The following XPNPEP3 variants were observed in gnomAD, a reference collection of about 807,000 sequenced individuals.
The protein encoded by XPNPEP3 is X-prolyl aminopeptidase 3.
Under a neutral mutation model 60.0 loss-of-function variants are expected in XPNPEP3, and 41 were observed. The ratio of observed to expected loss-of-function variants is 0.68; its 90% confidence interval spans 0.53 to 0.89. The LOEUF is 0.89. XPNPEP3 is among the 40% of genes least tolerant of loss of function. The probability of loss-of-function intolerance (pLI) is 0.00; values close to 1 mark genes in which losing one functional copy is unlikely to be tolerated. For synonymous variants in XPNPEP3, 212 were observed against 223.2 expected, an observed-to-expected ratio of 0.95 and a Z score of 0.45; for missense variants, 598 against 638.9, an observed-to-expected ratio of 0.94 and a Z score of 0.69.
chr22:40,893,883 T>C (rs1247739149), intron 4 of XPNPEP3, among the ~76,000 whole-genome samples: 1 of 152,228 alleles, frequency 6.6e-6, no homozygotes, highest in Non-Finnish European at 1.5e-5. Flanking sequence ...CCCAAAGTTC[T>C]GGGATTACAG....
chr22:40,903,614 C>T (rs1040749362), intron 4 of XPNPEP3, among the ~76,000 whole-genome samples: 1 of 151,918 alleles, frequency 6.6e-6, no homozygotes, highest in East Asian at 1.9e-4. Context: ...CTCAGCCTCC[C>T]AAGTAGCTGG....
At chr22:40,902,289 C>T (rs1443868076) in intron 4 of XPNPEP3, among the ~76,000 whole-genome samples, 9 of 138,422 alleles carry the variant, frequency 6.5e-5, no homozygotes, top group Admixed American at 4.7e-4. Context: ...CTCGCTCTGT[C>T]GCCGAGGCTG....
intron 7 of XPNPEP3, among the ~76,000 whole-genome samples, chr22:40,920,301 C>T (rs1487404621): frequency 1.3e-5 from 2 of 151,926 alleles, no homozygotes; most frequent in Non-Finnish European, 2.9e-5. Flanking sequence ...CCGGTGGGGG[C>T]AGAGGTTGCA....
chr22:40,925,114 G>C (rs887817518), intron 9 of XPNPEP3, among the ~76,000 whole-genome samples: 6 of 152,198 alleles, frequency 3.9e-5, no homozygotes, highest in Non-Finnish European at 8.8e-5. Flanking sequence ...CTTGTGTGCA[G>C]AGAGACAGGC....
chr22:40,857,416 C>T (rs548640830), intron 1 of XPNPEP3, among the ~76,000 whole-genome samples, 171 bp downstream of exon 1: 1 of 152,272 alleles, frequency 6.6e-6, no homozygotes, highest in African/African-American at 2.4e-5. Context: ...AGGGGTGGGC[C>T]CAGTGTGTTC....
chr22:40,921,415 G>A (rs1008686483), intron 7 of XPNPEP3, among the ~76,000 whole-genome samples: 3 of 151,298 alleles, frequency 2.0e-5, no homozygotes, highest in African/African-American at 7.3e-5. Context: ...ACTTTGGGAG[G>A]CCAAGGCAGG....
Position 40,886,465 on chromosome 22 carries a change from T to C in XPNPEP3, c.742T>C (p.Ser248Pro). ...GATACAGCGCCTCCGGCTGATCAAG[T>C]CTCCTGCAGAAATTGAACGAATGCA... ...QLIQRLRLIKSPAEIERMQIA... is the reference protein window; with the variant it reads ...QLIQRLRLIKPPAEIERMQIA... Residue 248 changes from serine to proline, a missense_variant, in exon 4 of 10, where the codon TCT (serine) becomes CCT (proline). Transcript: ENST00000357137. 1.9e-6 allele frequency: 3 copies of C among 1,614,012 alleles called. No individual in the cohort carries two copies. The highest frequency in any genetic ancestry group is 8.5e-7 in the Non-Finnish European group (1 of 1,179,994).
intron 4 of XPNPEP3, among the ~76,000 whole-genome samples, chr22:40,905,758 G>T (rs761379010): frequency 6.6e-6 from 1 of 152,042 alleles, no homozygotes; most frequent in Non-Finnish European, 1.5e-5. Flanking sequence ...GGGCATTTTG[G>T]CAATGCCGTT....
intron 4 of XPNPEP3, among the ~76,000 whole-genome samples, chr22:40,904,663 G>T (rs2058147578): frequency 6.6e-6 from 1 of 152,174 alleles, no homozygotes; most frequent in African/African-American, 2.4e-5. Context: ...AAGCCACTAG[G>T]ACTGCCATAT....
intron 6 of XPNPEP3, 64 bp downstream of exon 6, chr22:40,909,299 A>G: frequency 8.0e-7 from 1 of 1,248,026 alleles, no homozygotes; most frequent in East Asian, 2.3e-5. Flanking sequence ...AAACCTGCTA[A>G]CCTCATGTCC....
intron 4 of XPNPEP3, among the ~76,000 whole-genome samples, chr22:40,895,234 C>T (rs773682681): frequency 2.0e-5 from 3 of 152,136 alleles, no homozygotes; most frequent in Non-Finnish European, 2.9e-5. Flanking sequence ...TGGTAGCATG[C>T]TGCATATAGT....
chr22:40,892,730 G>A (rs1347689001), intron 4 of XPNPEP3, among the ~76,000 whole-genome samples: 1 of 152,108 alleles, frequency 6.6e-6, no homozygotes, highest in Non-Finnish European at 1.5e-5. Context: ...TACGTCATAT[G>A]AGTGGTAGTC....
In XPNPEP3 at chr22:40,929,788, G is replaced by A. The variant is rs2058248414; in HGVS notation, c.*3353G>A. ...TCAGGATTTGTTGAGCAGATAAGCT[G>A]TGTGTGATCTTACTCATTCTCAGCC... On this transcript the variant is annotated 3_prime_UTR_variant, in exon 10 of 10. Transcript: ENST00000357137. 6.6e-6 allele frequency: 1 copy of A among 152,174 alleles called. No homozygotes were observed. Among genetic ancestry groups the A allele is most frequent in the Non-Finnish European group, 1.5e-5 (1 of 68,048 alleles). The allele number at this position is 152,174 out of a possible 1,614,324, so 9.4% of individuals were successfully genotyped here.
At chr22:40,865,141 A>G (rs891738253) in intron 1 of XPNPEP3, among the ~76,000 whole-genome samples, 5 of 151,964 alleles carry the variant, frequency 3.3e-5, no homozygotes, top group Non-Finnish European at 5.9e-5. Flanking sequence ...TATCCAGAGT[A>G]TTGTCTCAGT....
rs756606621 is a variant in XPNPEP3 at position 40,869,086 on chromosome 22, C to T, written c.152C>T (p.Pro51Leu). The change falls in exon 2 of 10, where the codon CCC becomes CTC. Residue 51 changes from proline to leucine, a missense_variant. Transcript: ENST00000357137. ...IPNRYLGQPS[P>L]FTHPHLLRPG... is the part of the protein sequence containing the mutation. ...AACCGATACTTAGGCCAGCCCAGCC[C>T]CTTTACACACCCACACCTCCTCAGA... 1.2e-6 allele frequency: 2 copies of T among 1,614,054 alleles called. No homozygotes were observed.
rs1299116139 is a variant in XPNPEP3 at position 40,928,489 on chromosome 22, G to A, written c.*2054G>A. The A allele has an allele frequency of 1.3e-5, 2 of 152,262 alleles. No individual in the cohort carries two copies. The highest frequency in any genetic ancestry group is 1.3e-4 in the Admixed American group (2 of 15,274). 9.4% of individuals were successfully genotyped at this position (152,262 alleles called of 1,614,324 possible). On this transcript the variant is annotated 3_prime_UTR_variant, in exon 10 of 10. Transcript: ENST00000357137. Reference sequence around the variant, plus strand: ...CCCAAAGTGCTAGGATTACAGGCATGAGCCACTGCGCCCGGTGTAAGAGTC... The same window carrying A: ...CCCAAAGTGCTAGGATTACAGGCATAAGCCACTGCGCCCGGTGTAAGAGTC...
chr22:40,881,179 G>A (rs1174507092), intron 2 of XPNPEP3, among the ~76,000 whole-genome samples: 2 of 151,942 alleles, frequency 1.3e-5, no homozygotes, highest in South Asian at 2.1e-4. Flanking sequence ...CCGAGTAGCT[G>A]GGATTACAGG....
intron 2 of XPNPEP3, among the ~76,000 whole-genome samples, chr22:40,878,265 A>C: frequency 6.6e-6 from 1 of 152,078 alleles, no homozygotes; most frequent in South Asian, 2.1e-4. Flanking sequence ...GAGATTTTAG[A>C]AGTTTAGAAG....
chr22:40,893,365 G>T (rs940291859), intron 4 of XPNPEP3, among the ~76,000 whole-genome samples: 2 of 149,990 alleles, frequency 1.3e-5, no homozygotes, highest in Admixed American at 1.3e-4. Flanking sequence ...AATTAGCCGG[G>T]CATGGTGGCA....
Sources: allele counts gnomAD v4.1 joint callset (sites outside exome capture counted in the v4.1 genomes callset), GRCh38; gene constraint gnomAD v4.1.1; transcripts MANE v1.5; gene names NCBI Gene and HGNC (gene_info 2026-07-23, HGNC 2026-07-21).